Variants in ATP10B observed in about 807,000 individuals in gnomAD.
ATP10B encodes ATPase phospholipid transporting 10B (putative), also known as phospholipid-transporting ATPase VB.
Under a neutral mutation model 141.2 loss-of-function variants are expected in ATP10B, and 122 were observed. That is an observed-to-expected ratio of 0.86 (90% CI 0.75 to 1.00). ATP10B has a LOEUF of 1.00. Among genes scored for constraint, ATP10B ranks in the 50% least tolerant of loss-of-function variants. ATP10B has a pLI of 0.00. For missense variants in ATP10B, 1,876 were observed against 1,825.3 expected, an observed-to-expected ratio of 1.03 and a Z score of -0.51; for synonymous variants, 685 against 692.0, an observed-to-expected ratio of 0.99 and a Z score of 0.16.
intron 2 of ATP10B, among the ~76,000 whole-genome samples, chr5:160,734,420 G>A (rs1281562112): frequency 6.6e-6 from 1 of 151,998 alleles, no homozygotes; most frequent in East Asian, 1.9e-4. Context: ...GTAAGTAAAT[G>A]TAATACATGT....
At chr5:160,763,900 A>C (rs1180063429) in intron 2 of ATP10B, among the ~76,000 whole-genome samples, 5 of 152,156 alleles carry the variant, frequency 3.3e-5, no homozygotes, top group Non-Finnish European at 7.4e-5. Context: ...ACAGAAATAC[A>C]AAAGATCATT....
chr5:160,636,352 A>T (rs774451784), intron 10 of ATP10B, 43 bp from the exon 11 acceptor site: 2 of 1,587,530 alleles, frequency 1.3e-6, no homozygotes. Flanking sequence ...ATCTCTACTA[A>T]GTCCTAAAGT....
the ATP10B span, among the ~76,000 whole-genome samples, chr5:160,886,828 G>A: frequency 6.6e-6 from 1 of 152,176 alleles, no homozygotes; most frequent in South Asian, 2.1e-4. Flanking sequence ...GAGACTATGG[G>A]AGAGTCCCTG....
intron 7 of ATP10B, among the ~76,000 whole-genome samples, chr5:160,651,797 A>T (rs1760760882): frequency 6.6e-6 from 1 of 152,148 alleles, no homozygotes; most frequent in Non-Finnish European, 1.5e-5. Flanking sequence ...AGGAGTTTCT[A>T]AAAATATGGC....
chr5:160,592,251 A>G (rs907991227), intron 22 of ATP10B, among the ~76,000 whole-genome samples: 26 of 152,180 alleles, frequency 1.7e-4, no homozygotes, highest in East Asian at 5.8e-4. Flanking sequence ...ACCTTACCCA[A>G]TGAAAAGCAA....
chr5:160,920,855 G>C, the ATP10B span, among the ~76,000 whole-genome samples: 2 of 152,176 alleles, frequency 1.3e-5, no homozygotes, highest in Non-Finnish European at 2.9e-5. Flanking sequence ...TGCTGGTCAG[G>C]GGGCCTCACT....
intron 10 of ATP10B, among the ~76,000 whole-genome samples, chr5:160,637,802 C>T (rs1370147851): frequency 6.6e-6 from 1 of 152,222 alleles, no homozygotes; most frequent in Non-Finnish European, 1.5e-5. Context: ...AAAGATGCTT[C>T]CTTGCCCAGG....
chr5:160,813,852 TG>T (rs1301516283), intron 1 of ATP10B, among the ~76,000 whole-genome samples: 1 of 152,234 alleles, frequency 6.6e-6, no homozygotes, highest in Non-Finnish European at 1.5e-5. Flanking sequence ...CAGCCTCCAC[TG>T]CTGATACCCA....
chr5:160,767,216 C>T (rs185139976), intron 2 of ATP10B, among the ~76,000 whole-genome samples: 6 of 152,266 alleles, frequency 3.9e-5, no homozygotes, highest in Admixed American at 2.0e-4. Flanking sequence ...GTTGGACAAG[C>T]TTGATATAAG....
the ATP10B span, among the ~76,000 whole-genome samples, chr5:160,906,054 G>GC: frequency 1.3e-5 from 2 of 152,068 alleles, no homozygotes; most frequent in African/African-American, 4.8e-5. Flanking sequence ...ACAGAAATAT[G>GC]CCCCAAGAAG....
intron 2 of ATP10B, among the ~76,000 whole-genome samples, chr5:160,785,025 G>T (rs1405014199): frequency 1.3e-5 from 2 of 152,058 alleles, no homozygotes; most frequent in African/African-American, 4.8e-5. Flanking sequence ...CTTTGCTAAG[G>T]ACTGGTTTAG....
the ATP10B span, among the ~76,000 whole-genome samples, chr5:160,899,870 C>A: frequency 2.3e-4 from 35 of 152,246 alleles, no homozygotes; most frequent in Middle Eastern, 3.4e-3. Flanking sequence ...AGGTCCTTTT[C>A]CCAGAGTGTG....
rs201317411 is a variant in ATP10B at position 160,644,227 on chromosome 5, G to A, written c.779C>T (p.Thr260Ile). 6.2e-6 allele frequency: 10 copies of A among 1,613,758 alleles called. No homozygotes were observed. The highest frequency in any genetic ancestry group is 5.0e-5 in the Admixed American group (3 of 59,986). Residue 260 changes from threonine to isoleucine, a missense_variant, in exon 9 of 26, where the codon ACC (threonine) becomes ATC (isoleucine). Coordinates refer to ENST00000327245, the MANE Select transcript of ATP10B (RefSeq NM_025153.3). The stretch of plus-strand genomic sequence containing the variant: ...ACTCTCACAGCCAAAGCCAGTCCTG[G>A]TCTGGTCAGGATGCTCCCTGGGGAT... ...FKGYMEHPDQTRTGFGCESLL... is the reference protein window; with the variant it reads ...FKGYMEHPDQIRTGFGCESLL...
rs1771090417 is a variant in ATP10B at position 160,785,673 on chromosome 5, T to C, written c.-445A>G. 7.8e-7 allele frequency: 1 copy of C among 1,288,016 alleles called. No homozygotes were observed. The highest frequency in any genetic ancestry group is 1.0e-6 in the Non-Finnish European group (1 of 987,902). 79.8% of individuals were successfully genotyped at this position (1,288,016 alleles called of 1,614,324 possible). ...TGTAAGAAATGGTAGTTTCTCATCT[T>C]GGCAGTGGAGAGGAGTTCATTATCT... On this transcript the variant is annotated 5_prime_UTR_variant, in exon 2 of 26. Coordinates refer to ENST00000327245, the MANE Select transcript of ATP10B (RefSeq NM_025153.3).
At position 160,602,904 on chromosome 5, in the gene ATP10B, G is replaced by A. The variant is rs969949051; in HGVS notation, c.3238-202C>T. On this transcript the variant is annotated intron_variant, in intron 20 of 25. Transcript: ENST00000327245. ...AAATCCAAACCTCTCTAGAATCCAAGGAGGGCAGATCAGAAGGGATCAGTG... is the reference window on the plus strand; with the variant it reads ...AAATCCAAACCTCTCTAGAATCCAAAGAGGGCAGATCAGAAGGGATCAGTG... 11 of 555,098 alleles carry A rather than the reference G, an allele frequency of 2.0e-5. No individual in the cohort carries two copies. In the Admixed American group the frequency reaches 3.2e-4, roughly 16 times the overall value. The allele number at this position is 555,098 out of a possible 1,614,324, so 34.4% of individuals were successfully genotyped here.
intron 1 of ATP10B, among the ~76,000 whole-genome samples, chr5:160,806,446 A>G (rs1215802815): frequency 6.6e-6 from 1 of 152,212 alleles, no homozygotes; most frequent in Non-Finnish European, 1.5e-5. Context: ...AAGAAAACAC[A>G]CACATAAGGT....
At chr5:160,751,180 A>G (rs1383004645) in intron 2 of ATP10B, among the ~76,000 whole-genome samples, 2 of 152,070 alleles carry the variant, frequency 1.3e-5, no homozygotes, top group African/African-American at 2.4e-5. Context: ...CTCAATACAT[A>G]TTTATTGCTT....
At chr5:160,759,389 G>A (rs1178397562) in intron 2 of ATP10B, among the ~76,000 whole-genome samples, 1 of 152,184 alleles carries the variant, frequency 6.6e-6, no homozygotes. Flanking sequence ...AGGTAAACAC[G>A]ATAACTTATT....
At chr5:160,811,094 G>A (rs1773121982) in intron 1 of ATP10B, among the ~76,000 whole-genome samples, 1 of 152,182 alleles carries the variant, frequency 6.6e-6, no homozygotes. Flanking sequence ...CTGCCTTGAA[G>A]GGAAGGACCC....
Sources: allele counts gnomAD v4.1 joint callset (sites outside exome capture counted in the v4.1 genomes callset), GRCh38; gene constraint gnomAD v4.1.1; transcripts MANE v1.5; gene names NCBI Gene and HGNC (gene_info 2026-07-23, HGNC 2026-07-21).